NIPBL: variants seen among roughly 807,000 people sequenced by gnomAD.
The protein encoded by NIPBL is NIPBL cohesin loading factor, also known as nipped-B-like protein.
A neutral mutation model predicts 321.8 loss-of-function variants in NIPBL; 19 were observed. The ratio of observed to expected loss-of-function variants is 0.06; its 90% confidence interval spans 0.04 to 0.09. The LOEUF is 0.09. Ranked by LOEUF, NIPBL falls within the 10% of genes least tolerant of loss-of-function variation. The pLI, the probability that NIPBL is intolerant of heterozygous loss-of-function variation, is 1.00. For synonymous variants in NIPBL, 1,106 were observed against 1,114.1 expected (o/e 0.99, Z 0.14); for missense variants, 2,210 against 3,327.0 (o/e 0.66, Z 8.26).
At chr5:37,055,180 C>T (rs1318161741) in intron 42 of NIPBL, among the ~76,000 whole-genome samples, 2 of 151,960 alleles carry the variant, frequency 1.3e-5, no homozygotes, top group African/African-American at 4.8e-5. Context: ...AAAATCCTCT[C>T]TCTCCTGAAA....
intron 32 of NIPBL, among the ~76,000 whole-genome samples, chr5:37,035,957 T>C (rs890523087): frequency 2.0e-5 from 3 of 152,210 alleles, no homozygotes; most frequent in African/African-American, 4.8e-5. Context: ...TCTACCGTTA[T>C]GTTTTATAAT....
At chr5:36,965,988 C>A (rs1405046213) in intron 6 of NIPBL, among the ~76,000 whole-genome samples, 4 of 151,852 alleles carry the variant, frequency 2.6e-5, no homozygotes, top group Non-Finnish European at 5.9e-5. Context: ...GCACAATGAA[C>A]CCCTTCACCA....
At chr5:36,933,115 A>G (rs1749906708) in intron 1 of NIPBL, among the ~76,000 whole-genome samples, 1 of 152,110 alleles carries the variant, frequency 6.6e-6, no homozygotes, top group Non-Finnish European at 1.5e-5. Context: ...GTATAGTAGT[A>G]GAAAAACTCT....
Position 37,002,653 on chromosome 5 carries a change from A to AT in NIPBL, c.3665-5dup. 1 of 1,566,650 alleles carries AT rather than the reference A, an allele frequency of 6.4e-7. No homozygotes were observed. Among genetic ancestry groups the AT allele is most frequent in the South Asian group, 1.1e-5 (1 of 90,104 alleles). The stretch of plus-strand genomic sequence containing the variant: ...ACTTTGTTTGTGTTTGTTTGGCTTG[A>AT]TTTTGCAGGTGATGATGATGAAATT... On this transcript the variant is annotated splice_polypyrimidine_tract_variant and intron_variant, in intron 14 of 46. Transcript: ENST00000282516.
At chr5:36,948,072 CA>C (rs1739882522) in intron 1 of NIPBL, among the ~76,000 whole-genome samples, 1 of 151,826 alleles carries the variant, frequency 6.6e-6, no homozygotes, top group South Asian at 2.1e-4. Context: ...AAAGTTGGTT[CA>C]GGCTTTAATT....
chr5:37,016,406 T>G (rs936789393), intron 23 of NIPBL, among the ~76,000 whole-genome samples: 1 of 152,084 alleles, frequency 6.6e-6, no homozygotes, highest in African/African-American at 2.4e-5. Context: ...TTTAACAATT[T>G]TTTTTTTTTT....
chr5:36,899,883 A>G (rs771451779), intron 1 of NIPBL, among the ~76,000 whole-genome samples: 3 of 152,188 alleles, frequency 2.0e-5, no homozygotes, highest in Non-Finnish European at 4.4e-5. Context: ...GCCTGAGTTG[A>G]TAATCACATT....
chr5:36,907,444 A>C (rs911440539), intron 1 of NIPBL, among the ~76,000 whole-genome samples: 1 of 152,226 alleles, frequency 6.6e-6, no homozygotes, highest in Non-Finnish European at 1.5e-5. Flanking sequence ...ACCAGAAATT[A>C]AAATAATATT....
chr5:36,952,138 T>A (rs1222915679), intron 1 of NIPBL, among the ~76,000 whole-genome samples: 1 of 150,744 alleles, frequency 6.6e-6, no homozygotes, highest in Non-Finnish European at 1.5e-5. Flanking sequence ...ATAATAATGT[T>A]TGGGGTGAAG....
At chr5:37,042,920 CACAT>C (rs1328820364) in intron 34 of NIPBL, among the ~76,000 whole-genome samples, 1 of 151,118 alleles carries the variant, frequency 6.6e-6, no homozygotes, top group Non-Finnish European at 1.5e-5. Context: ...CACACACACA[CACAT>C]ATAACTTTGA....
intron 1 of NIPBL, among the ~76,000 whole-genome samples, chr5:36,909,492 A>G (rs903245864): frequency 6.6e-5 from 10 of 152,232 alleles, no homozygotes; most frequent in Middle Eastern, 6.8e-3. Context: ...TAAATTACGC[A>G]TTTGTCATTA....
intron 40 of NIPBL, 136 bp downstream of exon 40, chr5:37,049,437 GT>G: frequency 1.1e-6 from 1 of 949,106 alleles, no homozygotes; most frequent in Non-Finnish European, 1.7e-6. Context: ...GAATCTGGCA[GT>G]TTTAGATAAT....
intron 1 of NIPBL, among the ~76,000 whole-genome samples, chr5:36,878,951 G>C (rs968777952): frequency 6.7e-6 from 1 of 148,864 alleles, no homozygotes; most frequent in Non-Finnish European, 1.5e-5. Flanking sequence ...TGTTTGCTAC[G>C]GGGCCTCAGG....
At chr5:36,886,914 A>C (rs1745952318) in intron 1 of NIPBL, among the ~76,000 whole-genome samples, 1 of 151,978 alleles carries the variant, frequency 6.6e-6, no homozygotes, top group African/African-American at 2.4e-5. Flanking sequence ...TCTGAGATTC[A>C]TTCATGTTCT....
chr5:37,015,911 T>C (rs1025857243), intron 22 of NIPBL, 127 bp from the exon 23 acceptor site: 1 of 802,726 alleles, frequency 1.2e-6, no homozygotes. Flanking sequence ...TTAATGTACA[T>C]TTATATATTT....
At chr5:36,955,856 CTA>C (rs946930699) in intron 3 of NIPBL, among the ~76,000 whole-genome samples, 1 of 152,008 alleles carries the variant, frequency 6.6e-6, no homozygotes, top group African/African-American at 2.4e-5. Flanking sequence ...CCATGTAGCT[CTA>C]TGGATATTTT....
chr5:36,921,996 C>T (rs1748984987), intron 1 of NIPBL, among the ~76,000 whole-genome samples: 1 of 151,456 alleles, frequency 6.6e-6, no homozygotes, highest in Non-Finnish European at 1.5e-5. Flanking sequence ...AAGTGGTTCT[C>T]CTGCCCCAGC....
At chr5:36,962,035 A>G in intron 5 of NIPBL, 88 bp from the exon 6 acceptor site, 1 of 1,428,146 alleles carries the variant, frequency 7.0e-7, no homozygotes, top group Non-Finnish European at 9.9e-7. Flanking sequence ...AAACTAAGAG[A>G]TCAGAGGACT....
At chr5:36,956,194 G>T (rs1740926476) in intron 3 of NIPBL, among the ~76,000 whole-genome samples, 1 of 151,922 alleles carries the variant, frequency 6.6e-6, no homozygotes, top group South Asian at 2.1e-4. Flanking sequence ...TCACGCCACT[G>T]CACTCCAGCC....
Sources: allele counts gnomAD v4.1 joint callset (sites outside exome capture counted in the v4.1 genomes callset), GRCh38; gene constraint gnomAD v4.1.1; transcripts MANE v1.5; gene names NCBI Gene and HGNC (gene_info 2026-07-23, HGNC 2026-07-21).